Variants in IQCM observed in about 807,000 individuals in gnomAD.
The protein encoded by IQCM is IQ domain-containing protein M.
IQCM carries 45 observed loss-of-function variants against 57.6 expected under a neutral mutation model. That is an observed-to-expected ratio of 0.78 (90% CI 0.62 to 1.00). IQCM has a LOEUF of 1.00. Ranked by LOEUF, IQCM falls within the 50% of genes least tolerant of loss-of-function variation. The pLI is 0.00. For synonymous variants in IQCM, 148 were observed against 158.9 expected, an observed-to-expected ratio of 0.93 and a Z score of 0.51; for missense variants, 468 against 511.6, an observed-to-expected ratio of 0.91 and a Z score of 0.82.
intron 7 of IQCM, among the ~76,000 whole-genome samples, chr4:149,650,757 G>A (rs1032285868): frequency 2.6e-5 from 4 of 152,008 alleles, no homozygotes; most frequent in Admixed American, 6.6e-5. Flanking sequence ...AGAAACTAAC[G>A]CACCCTAGTT....
At chr4:149,597,156 A>G (rs1010894068) in intron 8 of IQCM, among the ~76,000 whole-genome samples, 5 of 152,148 alleles carry the variant, frequency 3.3e-5, no homozygotes, top group African/African-American at 1.2e-4. Context: ...AATAAAACAC[A>G]TAATATTTAA....
At chr4:149,739,339 T>TA (rs2149902148) in intron 3 of IQCM, among the ~76,000 whole-genome samples, 1 of 152,198 alleles carries the variant, frequency 6.6e-6, no homozygotes, top group African/African-American at 2.4e-5. Flanking sequence ...AAGATTAACT[T>TA]AAACACTGTT....
chr4:149,596,680 G>C (rs898789965), intron 8 of IQCM, among the ~76,000 whole-genome samples: 5 of 152,040 alleles, frequency 3.3e-5, no homozygotes, highest in African/African-American at 9.7e-5. Flanking sequence ...ATTCCTAGAA[G>C]TTTTCTAGGA....
chr4:149,648,870 A>C (rs1280816607), intron 7 of IQCM, among the ~76,000 whole-genome samples: 2 of 152,186 alleles, frequency 1.3e-5, no homozygotes, highest in African/African-American at 4.8e-5. Flanking sequence ...CACGTTGTGC[A>C]CATGTACCCT....
At chr4:149,436,246 C>T (rs891634707) in intron 12 of IQCM, among the ~76,000 whole-genome samples, 1 of 152,060 alleles carries the variant, frequency 6.6e-6, no homozygotes, top group Non-Finnish European at 1.5e-5. Flanking sequence ...CACTGTGTTA[C>T]AATTATTTAC....
rs530580102 is a variant in IQCM, at chr4:149,589,990, T to C, written c.682-1993A>G. Among the ~76,000 whole-genome samples, 8 of 152,154 alleles carry C rather than the reference T, an allele frequency of 5.3e-5. No homozygotes were observed. In the South Asian group the frequency reaches 1.4e-3, roughly 28 times the overall value. On this transcript the variant is annotated intron_variant, in intron 8 of 13. Coordinates refer to ENST00000636793, the MANE Select transcript of IQCM (RefSeq NM_001363507.2). ...ACTGTCCTTCTGTGCTACTACTGTT[T>C]ACACTTGCCAACTTAATTTTTTTTC...
chr4:149,465,320 C>T (rs1579149423), intron 12 of IQCM, among the ~76,000 whole-genome samples: 2 of 152,050 alleles, frequency 1.3e-5, no homozygotes, highest in Non-Finnish European at 2.9e-5. Context: ...CATTGTTCCT[C>T]AAGCTACACA....
chr4:149,566,813 T>C (rs920723910), intron 9 of IQCM, among the ~76,000 whole-genome samples: 92 of 152,168 alleles, frequency 6.0e-4, no homozygotes, highest in African/African-American at 2.1e-3. Flanking sequence ...GAACAATTTA[T>C]AGAAGTGAAC....
At chr4:149,375,640 C>T (rs1050784414) in intron 13 of IQCM, among the ~76,000 whole-genome samples, 1 of 152,116 alleles carries the variant, frequency 6.6e-6, no homozygotes, top group East Asian at 1.9e-4. Context: ...CTTTCCAGGT[C>T]TTTTACAAAA....
chr4:149,794,829 T>C (rs1772970621), intron 2 of IQCM, among the ~76,000 whole-genome samples: 2 of 152,128 alleles, frequency 1.3e-5, no homozygotes, highest in African/African-American at 2.4e-5. Context: ...TGTTCTTTGG[T>C]AAATAATATT....
chr4:149,482,000 T>C (rs1740954864), intron 12 of IQCM, among the ~76,000 whole-genome samples: 1 of 151,656 alleles, frequency 6.6e-6, no homozygotes, highest in Admixed American at 6.6e-5. Context: ...TTTACTTCTC[T>C]GGTTAAATTA....
chr4:149,647,985 T>C (rs1758795537), intron 7 of IQCM, among the ~76,000 whole-genome samples: 1 of 152,192 alleles, frequency 6.6e-6, no homozygotes, highest in Non-Finnish European at 1.5e-5. Flanking sequence ...ATTCCACTAG[T>C]TACCTCTTCT....
intron 8 of IQCM, among the ~76,000 whole-genome samples, chr4:149,595,013 T>C (rs1260445876): frequency 6.6e-6 from 1 of 152,210 alleles, no homozygotes; most frequent in Non-Finnish European, 1.5e-5. Context: ...GATATCCTTG[T>C]TAACTTTCTG....
At chr4:149,530,575 A>G (rs994891100) in intron 12 of IQCM, among the ~76,000 whole-genome samples, 1 of 152,168 alleles carries the variant, frequency 6.6e-6, no homozygotes, top group Non-Finnish European at 1.5e-5. Context: ...AGGGACTGGA[A>G]ATAGATTAAA....
At chr4:149,392,321 T>C (rs1380659328) in intron 13 of IQCM, among the ~76,000 whole-genome samples, 1 of 152,018 alleles carries the variant, frequency 6.6e-6, no homozygotes, top group Non-Finnish European at 1.5e-5. Context: ...AGGTTGAAGA[T>C]AAAGCAATAC....
intron 12 of IQCM, among the ~76,000 whole-genome samples, chr4:149,468,158 C>G (rs989478881): frequency 2.0e-5 from 3 of 151,796 alleles, no homozygotes; most frequent in Admixed American, 2.0e-4. Flanking sequence ...GTGGATGCAG[C>G]CCATGGAGCT....
intron 2 of IQCM, among the ~76,000 whole-genome samples, chr4:149,777,817 G>C (rs1423466185): frequency 1.3e-5 from 2 of 152,150 alleles, no homozygotes; most frequent in Non-Finnish European, 2.9e-5. Context: ...AGCACCCAAG[G>C]ACTGACGCAG....
chr4:149,407,093 A>G (rs1560809823), intron 13 of IQCM, among the ~76,000 whole-genome samples: 1 of 152,080 alleles, frequency 6.6e-6, no homozygotes. Flanking sequence ...TTTTAAAGCC[A>G]TCAGACTTCG....
chr4:149,406,408 AG>A (rs1476165067), intron 13 of IQCM, among the ~76,000 whole-genome samples: 1 of 152,160 alleles, frequency 6.6e-6, no homozygotes, highest in Non-Finnish European at 1.5e-5. Flanking sequence ...TAAACCAGTA[AG>A]GAAGAAGGAA....
Sources: gnomAD v4.1 joint callset for allele counts (sites outside exome capture counted in the v4.1 genomes callset) on GRCh38, gnomAD v4.1.1 for gene constraint, MANE v1.5 for transcripts, NCBI Gene and HGNC (gene_info 2026-07-23, HGNC 2026-07-21) for gene names.